The following JAG1 variants were observed in gnomAD, a reference collection of about 807,000 sequenced individuals.
JAG1 encodes the protein jagged canonical Notch ligand 1.
Under a neutral mutation model 148.7 loss-of-function variants are expected in JAG1, and 23 were observed. The ratio of observed to expected loss-of-function variants is 0.15; its 90% confidence interval spans 0.11 to 0.22. The LOEUF (loss-of-function observed/expected upper bound fraction) is 0.22. Ranked by LOEUF, JAG1 falls within the 10% of genes least tolerant of loss-of-function variation. JAG1 has a pLI of 1.00. For synonymous variants in JAG1, 572 were observed against 598.3 expected (o/e 0.96, Z 0.64); for missense variants, 1,054 against 1,611.2 (o/e 0.65, Z 5.92).
chr20:10,645,043 G>A lies in JAG1; in HGVS notation c.2228-64C>T, dbSNP rs2067298510. On this transcript the variant is annotated intron_variant, in intron 17 of 25. Transcript: ENST00000254958. The surrounding 1 kb of genome is among the most constrained non-coding windows in gnomAD (Gnocchi z 6.1). Reference sequence around the variant, plus strand: ...ATCCAGAAACAGTCTGGAGGGGCAAGAACCAGGCCCAGAGAAATATCATAA... The same window carrying A: ...ATCCAGAAACAGTCTGGAGGGGCAAAAACCAGGCCCAGAGAAATATCATAA... 1 of 1,528,236 alleles carries A rather than the reference G, an allele frequency of 6.5e-7. No individual in the cohort carries two copies. Among genetic ancestry groups the A allele is most frequent in the Admixed American group, 1.7e-5 (1 of 59,938 alleles). The allele number at this position is 1,528,236 out of a possible 1,614,324, so 94.7% of individuals were successfully genotyped here. A position where few individuals can be genotyped will look rare whatever the true frequency, so the allele number is the denominator to read the frequency against.
At chr20:10,650,171 C>G in intron 9 of JAG1, 76 bp downstream of exon 9, 1 of 883,654 alleles carries the variant, frequency 1.1e-6, no homozygotes. Context: ...GCCGGCCACA[C>G]GCTCGTCTTC....
At chr20:10,655,170 C>A (rs2067370490) in intron 5 of JAG1, among the ~76,000 whole-genome samples, 1 of 152,170 alleles carries the variant, frequency 6.6e-6, no homozygotes, top group Non-Finnish European at 1.5e-5. Context: ...CATGTTCCCC[C>A]TTGCATGGGA....
At chr20:10,657,310 T>A (rs1045347772) in intron 4 of JAG1, among the ~76,000 whole-genome samples, 7 of 150,286 alleles carry the variant, frequency 4.7e-5, no homozygotes, top group African/African-American at 1.7e-4. Flanking sequence ...CAGTGAGCCA[T>A]GATTGTGCCA....
chr20:10,649,389 C>T (rs2067331180), intron 10 of JAG1, 133 bp downstream of exon 10: 1 of 715,668 alleles, frequency 1.4e-6, no homozygotes, highest in Admixed American at 2.0e-5. Context: ...CCTGACCACT[C>T]CCTCTCAAAA....
chr20:10,660,284 G>T (rs1166249440), intron 3 of JAG1, among the ~76,000 whole-genome samples: 1 of 150,216 alleles, frequency 6.7e-6, no homozygotes, highest in African/African-American at 2.5e-5. Flanking sequence ...TCACATACCT[G>T]CAGCCTGACA....
Position 10,673,335 on chromosome 20 carries a change from G to T in JAG1, c.81+115C>A, listed in dbSNP as rs1165273447. Reference sequence around the variant, plus strand: ...CAGGTGCAGCCGCTCGGGCGCAGGGGCGAGGAGTCGGGCGCTCGAGGGCTG... The same window carrying T: ...CAGGTGCAGCCGCTCGGGCGCAGGGTCGAGGAGTCGGGCGCTCGAGGGCTG... On this transcript the variant is annotated intron_variant, in intron 1 of 25. Transcript: ENST00000254958. The surrounding 1 kb of genome is among the most constrained non-coding windows in gnomAD (Gnocchi z 4.7). The T allele has an allele frequency of 1.1e-5, 9 of 804,074 alleles. No homozygotes were observed. The highest frequency in any genetic ancestry group is 1.7e-5 in the Non-Finnish European group (9 of 518,066). The allele number at this position is 804,074 out of a possible 1,614,324, so 49.8% of individuals were successfully genotyped here. A position where few individuals can be genotyped will look rare whatever the true frequency, so the allele number is the denominator to read the frequency against.
chr20:10,667,626 C>T (rs572747464), intron 2 of JAG1, among the ~76,000 whole-genome samples: 1 of 152,218 alleles, frequency 6.6e-6, no homozygotes, highest in African/African-American at 2.4e-5. Flanking sequence ...ACTTCAGGCA[C>T]AGAAAGCAAT....
chr20:10,643,737 C>T lies in JAG1; in HGVS notation c.2458+41G>A, dbSNP rs542572569. ...TCTTGGGGTGAGGCATGGAATGAAG[C>T]GGTAAAGCCATTGGGAAAACCAGAC... On this transcript the variant is annotated intron_variant, in intron 20 of 25. Transcript: ENST00000254958. The T allele has an allele frequency of 2.4e-5, 35 of 1,488,294 alleles. No homozygotes were observed. In the Admixed American group the frequency reaches 3.7e-4, roughly 16 times the overall value. 92.2% of individuals were successfully genotyped at this position (1,488,294 alleles called of 1,614,324 possible). A position where few individuals can be genotyped will look rare whatever the true frequency, so the allele number is the denominator to read the frequency against.
Position 10,648,877 on chromosome 20 carries a change from T to C in JAG1, c.1396-155A>G, listed in dbSNP as rs35308216. Reference sequence around the variant, plus strand: ...CTGAAAGTGGTTAGAGGAATTTCTATGTGCATGCCTTCAAAATGACTCCCA... The same window carrying C: ...CTGAAAGTGGTTAGAGGAATTTCTACGTGCATGCCTTCAAAATGACTCCCA... On this transcript the variant is annotated intron_variant, in intron 11 of 25. Transcript: ENST00000254958. 94,195 of 898,112 alleles carry C rather than the reference T, an allele frequency of 0.1. 7,147 individuals are homozygous for C. The highest frequency in any genetic ancestry group is 0.26 in the South Asian group (18,087 of 68,468). 55.6% of individuals were successfully genotyped at this position (898,112 alleles called of 1,614,324 possible). A position where few individuals can be genotyped will look rare whatever the true frequency, so the allele number is the denominator to read the frequency against.
intron 3 of JAG1, 24 bp downstream of exon 3, chr20:10,663,939 A>G (rs1480438815): frequency 1.9e-6 from 3 of 1,607,412 alleles, no homozygotes; most frequent in Middle Eastern, 3.3e-4. Context: ...TGTTTAGAGA[A>G]AAGTCCACAG....
intron 2 of JAG1, among the ~76,000 whole-genome samples, chr20:10,665,048 T>A (rs2067443861): frequency 6.6e-6 from 1 of 152,192 alleles, no homozygotes; most frequent in Admixed American, 6.5e-5. Flanking sequence ...GAACATGAAC[T>A]AGGTTATGAA....
chr20:10,653,797 T>C (rs1315893925), intron 5 of JAG1, among the ~76,000 whole-genome samples: 1 of 152,178 alleles, frequency 6.6e-6, no homozygotes, highest in Non-Finnish European at 1.5e-5. Flanking sequence ...TATAGGGATC[T>C]AGCTAATAGC....
At position 10,644,371 on chromosome 20, in the gene JAG1, G is replaced by A. The variant is rs1189479619; in HGVS notation, c.2358C>T (p.Cys786=). ...GPICAQNTND[C]SPHPCYNSGT... The stretch of plus-strand genomic sequence containing the variant: ...GTCACACTTACCAGGGATGAGGGCT[G>A]CAGTCATTGGTATCTGCAAAGAAAA... The change falls in exon 19 of 26, where the codon TGC becomes TGT. Residue 786 remains cysteine, a synonymous_variant. Transcript: ENST00000254958. The A allele has an allele frequency of 6.2e-7, 1 of 1,613,014 alleles. No individual in the cohort carries two copies. Among genetic ancestry groups the A allele is most frequent in the Non-Finnish European group, 8.5e-7 (1 of 1,179,198 alleles).
Position 10,652,609 on chromosome 20 carries a change from A to G in JAG1, c.756-11T>C. On this transcript the variant is annotated splice_polypyrimidine_tract_variant and intron_variant, in intron 5 of 25. Coordinates refer to ENST00000254958, the MANE Select transcript of JAG1 (RefSeq NM_000214.3). ...CAGCCGTACTGGCACCTGGAGACAC[A>G]CAGCACACCTCCAGGTTAGCCTTTT... is the stretch of plus-strand genomic sequence containing the variant. The G allele has an allele frequency of 6.2e-7, 1 of 1,613,712 alleles. No individual in the cohort carries two copies. Among genetic ancestry groups the G allele is most frequent in the Non-Finnish European group, 8.5e-7 (1 of 1,179,820 alleles).
intron 14 of JAG1, 26 bp downstream of exon 14, chr20:10,646,913 T>G (rs768071100): frequency 2.5e-6 from 4 of 1,611,466 alleles, no homozygotes; most frequent in Admixed American, 1.7e-5. Context: ...GGAGCACTGG[T>G]CCATTCCCGG....
chr20:10,646,357 C>T (rs1443049851), intron 14 of JAG1: 1 of 466,468 alleles, frequency 2.1e-6, no homozygotes, highest in African/African-American at 2.0e-5. Flanking sequence ...AGAGGAATCA[C>T]CCAACCTAGC....
chr20:10,664,882 C>G (rs977836368), intron 2 of JAG1, among the ~76,000 whole-genome samples: 26 of 152,192 alleles, frequency 1.7e-4, no homozygotes, highest in Non-Finnish European at 3.5e-4. Context: ...CTCCCCACCC[C>G]CAGCCAAACC....
rs1428644863 is a variant in JAG1 at position 10,638,212 on chromosome 20, C to T, written c.*1286G>A. 1.3e-5 allele frequency: 2 copies of T among 152,422 alleles called. No individual in the cohort carries two copies. The highest frequency in any genetic ancestry group is 1.3e-4 in the Admixed American group (2 of 15,252). 9.4% of individuals were successfully genotyped at this position (152,422 alleles called of 1,614,324 possible). On this transcript the variant is annotated 3_prime_UTR_variant, in exon 26 of 26. Coordinates refer to ENST00000254958, the MANE Select transcript of JAG1 (RefSeq NM_000214.3). ...GCAGGCAGTGTACTCTATGGCAAAT[C>T]TAAACAGTGATCTTACTGGACATTT...
intron 2 of JAG1, among the ~76,000 whole-genome samples, chr20:10,665,511 G>A (rs1424256548): frequency 3.3e-5 from 5 of 152,180 alleles, no homozygotes; most frequent in Non-Finnish European, 7.3e-5. Context: ...CTTATTTACT[G>A]CCTCTTTAAG....
Sources: gnomAD v4.1 joint callset for allele counts (sites outside exome capture counted in the v4.1 genomes callset) on GRCh38, gnomAD v4.1.1 for gene constraint, Gnocchi (gnomAD v3.1) non-coding constraint, MANE v1.5 for transcripts, NCBI Gene and HGNC (gene_info 2026-07-23, HGNC 2026-07-21) for gene names.